BRPF3: variants seen among roughly 807,000 people sequenced by gnomAD.
BRPF3 encodes the protein bromodomain and PHD finger containing 3.
A neutral mutation model predicts 102.0 loss-of-function variants in BRPF3; 18 were observed. That is an observed-to-expected ratio of 0.18 (90% CI 0.12 to 0.26). The LOEUF (loss-of-function observed/expected upper bound fraction) is 0.26. BRPF3 is among the 10% of genes least tolerant of loss of function. The pLI, the probability that BRPF3 is intolerant of heterozygous loss-of-function variation, is 1.00. For synonymous variants in BRPF3, 570 were observed against 614.2 expected, an observed-to-expected ratio of 0.93 and a Z score of 1.06; for missense variants, 1,147 against 1,567.8, an observed-to-expected ratio of 0.73 and a Z score of 4.53.
chr6:36,210,908 G>A lies in BRPF3; in HGVS notation c.2180-350G>A, dbSNP rs1352769720. 1.3e-5 allele frequency among the ~76,000 whole-genome samples: 2 copies of A among 152,116 alleles called. No individual in the cohort carries two copies. Among genetic ancestry groups the A allele is most frequent in the African/African-American group, 4.8e-5 (2 of 41,418 alleles). Reference sequence around the variant, plus strand: ...ATTGCAGGTGGAGGACCAGAAAAATGGAATTGCCTCTGAGCCCCACACGCT... The same window carrying A: ...ATTGCAGGTGGAGGACCAGAAAAATAGAATTGCCTCTGAGCCCCACACGCT... On this transcript the variant is annotated intron_variant, in intron 6 of 12. Coordinates refer to ENST00000357641, the MANE Select transcript of BRPF3 (RefSeq NM_015695.3). The surrounding 1 kb of genome is among the most constrained non-coding windows in gnomAD (Gnocchi z 4.7).
Position 36,230,331 on chromosome 6 carries a change from C to G in BRPF3, c.3435-95C>G. On this transcript the variant is annotated intron_variant, in intron 12 of 12. Transcript: ENST00000357641. This position sits in a 1 kb window ranked among gnomAD's most constrained non-coding sequence, Gnocchi z 5.4. ...CTTCCCTCTGCCCTGTACCCTCTCCCTGGCTTTGCTGGTCCTGGCCAAGTG... is the reference window on the plus strand; with the variant it reads ...CTTCCCTCTGCCCTGTACCCTCTCCGTGGCTTTGCTGGTCCTGGCCAAGTG... 5.3e-6 allele frequency: 7 copies of G among 1,315,204 alleles called. No individual in the cohort carries two copies. The highest frequency in any genetic ancestry group is 7.5e-6 in the Non-Finnish European group (7 of 933,370). 81.5% of individuals were successfully genotyped at this position (1,315,204 alleles called of 1,614,324 possible).
intron 2 of BRPF3, among the ~76,000 whole-genome samples, chr6:36,202,827 T>C (rs1346826592): frequency 2.0e-5 from 3 of 152,176 alleles, no homozygotes; most frequent in Non-Finnish European, 4.4e-5. Context: ...TGCCTCTAGG[T>C]TGCATTCCTG....
chr6:36,204,446 G>A, intron 2 of BRPF3: 2 of 592,302 alleles, frequency 3.4e-6, no homozygotes, highest in East Asian at 5.9e-5. Context: ...CAAGGCAAGA[G>A]GTGGAAAAGC....
intron 9 of BRPF3, among the ~76,000 whole-genome samples, chr6:36,219,604 C>G (rs548162033): frequency 6.6e-6 from 1 of 152,328 alleles, no homozygotes; most frequent in East Asian, 1.9e-4. Flanking sequence ...CCTGCTAATT[C>G]AGGTGGCGTG....
At chr6:36,212,692 G>A (rs997804611) in intron 7 of BRPF3, among the ~76,000 whole-genome samples, 1 of 151,762 alleles carries the variant, frequency 6.6e-6, no homozygotes, top group Non-Finnish European at 1.5e-5. Context: ...GGTGGCTCAC[G>A]CCTGTAATCC....
In BRPF3 at chr6:36,231,768, T is replaced by C. The variant is rs1768947739; in HGVS notation, c.*1159T>C. Reference sequence around the variant, plus strand: ...AACCCTCTGCCTCCTTCCTTCTTTCTCTTCAACCCCCTCCCCACCTTCACC... The same window carrying C: ...AACCCTCTGCCTCCTTCCTTCTTTCCCTTCAACCCCCTCCCCACCTTCACC... On this transcript the variant is annotated 3_prime_UTR_variant, in exon 13 of 13. Transcript: ENST00000357641. 6.6e-6 allele frequency: 1 copy of C among 152,286 alleles called. No individual in the cohort carries two copies. The highest frequency in any genetic ancestry group is 2.4e-5 in the African/African-American group (1 of 41,292). The allele number at this position is 152,286 out of a possible 1,614,324, so 9.4% of individuals were successfully genotyped here.
chr6:36,217,806 G>A, intron 8 of BRPF3, 111 bp from the exon 9 acceptor site: 1 of 746,302 alleles, frequency 1.3e-6, no homozygotes, highest in East Asian at 2.7e-5. Context: ...GAAAGGAATA[G>A]CCATCCTCTC....
intron 2 of BRPF3, among the ~76,000 whole-genome samples, chr6:36,202,721 A>G (rs1234979753): frequency 3.9e-5 from 6 of 152,172 alleles, no homozygotes; most frequent in Admixed American, 2.0e-4. Context: ...TCAATGATAT[A>G]TTTATTGAGC....
At chr6:36,215,870 G>T (rs745747258) in intron 8 of BRPF3, among the ~76,000 whole-genome samples, 5 of 152,232 alleles carry the variant, frequency 3.3e-5, no homozygotes, top group Admixed American at 1.3e-4. Context: ...CACTTTCTTG[G>T]CAGGGAGGGC....
chr6:36,232,385 G>A lies in BRPF3; in HGVS notation c.*1776G>A, dbSNP rs886338066. 6.6e-6 allele frequency: 1 copy of A among 152,488 alleles called. No individual in the cohort carries two copies. Among genetic ancestry groups the A allele is most frequent in the East Asian group, 1.9e-4 (1 of 5,194 alleles). 9.4% of individuals were successfully genotyped at this position (152,488 alleles called of 1,614,324 possible). On this transcript the variant is annotated 3_prime_UTR_variant, in exon 13 of 13. Coordinates refer to ENST00000357641, the MANE Select transcript of BRPF3 (RefSeq NM_015695.3). Reference sequence around the variant, plus strand: ...GACTCTGTGACCTTTGTCTAAACCTGTGTTGTAAGATCTTGGGACTTCCTC... The same window carrying A: ...GACTCTGTGACCTTTGTCTAAACCTATGTTGTAAGATCTTGGGACTTCCTC...
Position 36,210,560 on chromosome 6 carries a change from G to A in BRPF3, c.2179+32G>A, listed in dbSNP as rs757712306. On this transcript the variant is annotated intron_variant, in intron 6 of 12. Coordinates refer to ENST00000357641, the MANE Select transcript of BRPF3 (RefSeq NM_015695.3). The surrounding 1 kb of genome is among the most constrained non-coding windows in gnomAD (Gnocchi z 4.7). ...GGCCTGGATGGGTGGGGAGGAGAGG[G>A]GCCAGGAGGAGGCACAGGAACAGAG... 78 of 1,550,880 alleles carry A rather than the reference G, an allele frequency of 5.0e-5. No individual in the cohort carries two copies. Among genetic ancestry groups the A allele is most frequent in the Non-Finnish European group, 6.1e-5 (71 of 1,154,844 alleles).
chr6:36,207,016 T>C (rs1237100760), intron 3 of BRPF3, among the ~76,000 whole-genome samples: 1 of 152,188 alleles, frequency 6.6e-6, no homozygotes, highest in East Asian at 1.9e-4. Context: ...AGTTTTCTTA[T>C]GAAATTCTTT....
chr6:36,208,776 G>A (rs1451025209), intron 4 of BRPF3, among the ~76,000 whole-genome samples: 1 of 152,232 alleles, frequency 6.6e-6, no homozygotes, highest in Non-Finnish European at 1.5e-5. Flanking sequence ...GGCCTGTTTT[G>A]ATATAGCCAA....
intron 1 of BRPF3, among the ~76,000 whole-genome samples, chr6:36,199,744 C>A (rs115302100): frequency 0.01 from 1,559 of 152,348 alleles, 20 homozygotes; most frequent in African/African-American, 0.029. Flanking sequence ...CCATGTTACA[C>A]TGTAATAATC....
chr6:36,220,275 G>C (rs1358175383), intron 9 of BRPF3, among the ~76,000 whole-genome samples: 1 of 152,198 alleles, frequency 6.6e-6, no homozygotes, highest in Admixed American at 6.5e-5. Context: ...TTAGCAGTTT[G>C]TAATACTTTA....
At chr6:36,225,461 G>T in intron 11 of BRPF3, 97 bp downstream of exon 11, 1 of 1,148,390 alleles carries the variant, frequency 8.7e-7, no homozygotes, top group Non-Finnish European at 1.2e-6. Flanking sequence ...GGGAGTCAGA[G>T]TGTCTTTAGC....
chr6:36,211,029 T>C (rs1182962348), intron 6 of BRPF3, among the ~76,000 whole-genome samples: 2 of 152,208 alleles, frequency 1.3e-5, no homozygotes, highest in Non-Finnish European at 2.9e-5. Flanking sequence ...GAGCCCATAA[T>C]CGTGACTGTG....
chr6:36,214,418 C>T (rs760232765), intron 8 of BRPF3, 32 bp downstream of exon 8: 16 of 1,518,384 alleles, frequency 1.1e-5, no homozygotes, highest in South Asian at 1.0e-4. Context: ...CTTGATACTT[C>T]GCATCTGCTT....
chr6:36,196,761 A>G lies in BRPF3; in HGVS notation c.-236A>G, dbSNP rs1301870765. Reference sequence around the variant, plus strand: ...CGGGCTCCGTGGCGGCAGCGGCAGCAGCGGCGGCTCCATTCCCCCTCCTCC... The same window carrying G: ...CGGGCTCCGTGGCGGCAGCGGCAGCGGCGGCGGCTCCATTCCCCCTCCTCC... On this transcript the variant is annotated 5_prime_UTR_variant, in exon 1 of 13. Coordinates refer to ENST00000357641, the MANE Select transcript of BRPF3 (RefSeq NM_015695.3). 8 of 153,148 alleles carry G rather than the reference A, an allele frequency of 5.2e-5. No individual in the cohort carries two copies. In the East Asian group the frequency reaches 1.5e-3, roughly 29 times the overall value. The allele number at this position is 153,148 out of a possible 1,614,324, so 9.5% of individuals were successfully genotyped here. A position where few individuals can be genotyped will look rare whatever the true frequency, so the allele number is the denominator to read the frequency against.
Sources: gnomAD v4.1 joint callset for allele counts (sites outside exome capture counted in the v4.1 genomes callset) on GRCh38, gnomAD v4.1.1 for gene constraint, Gnocchi (gnomAD v3.1) non-coding constraint, MANE v1.5 for transcripts, NCBI Gene and HGNC (gene_info 2026-07-23, HGNC 2026-07-21) for gene names.